ANAPC4: variants seen among roughly 807,000 people sequenced by gnomAD.
ANAPC4 encodes anaphase-promoting complex subunit 4.
In ANAPC4, 63 loss-of-function variants were observed where a neutral mutation model predicts 119.8. The observed-to-expected ratio is 0.53, with a 90% CI of 0.43 to 0.65. ANAPC4 has a LOEUF of 0.65. ANAPC4 is among the 30% of genes least tolerant of loss of function. The probability of loss-of-function intolerance (pLI) is 0.00; values close to 1 mark genes in which losing one functional copy is unlikely to be tolerated. For missense variants in ANAPC4, 716 were observed against 945.1 expected, an observed-to-expected ratio of 0.76 and a Z score of 3.18; for synonymous variants, 283 against 318.6, an observed-to-expected ratio of 0.89 and a Z score of 1.19.
chr4:25,378,279 C>T (rs1721518803), intron 2 of ANAPC4, among the ~76,000 whole-genome samples: 1 of 152,198 alleles, frequency 6.6e-6, no homozygotes, highest in Non-Finnish European at 1.5e-5. Context: ...GTGCATCTTT[C>T]CGCCTCTGGC....
At chr4:25,389,811 A>C (rs988780328) in intron 7 of ANAPC4, among the ~76,000 whole-genome samples, 7 of 152,234 alleles carry the variant, frequency 4.6e-5, no homozygotes, top group African/African-American at 1.7e-4. Flanking sequence ...CCATGATAAA[A>C]CTGATGGCAC....
At chr4:25,392,269 C>T in intron 9 of ANAPC4, 69 bp from the exon 10 acceptor site, 1 of 1,112,758 alleles carries the variant, frequency 9.0e-7, no homozygotes. Context: ...GTTTGACCCA[C>T]ACTCTAAATT....
chr4:25,406,467 G>C (rs1723255814), intron 18 of ANAPC4, among the ~76,000 whole-genome samples: 1 of 151,430 alleles, frequency 6.6e-6, no homozygotes, highest in African/African-American at 2.4e-5. Context: ...TTTGCCTGCA[G>C]CCCTTAACTA....
chr4:25,404,771 A>C (rs1036856049), intron 17 of ANAPC4, among the ~76,000 whole-genome samples: 1 of 152,112 alleles, frequency 6.6e-6, no homozygotes, highest in African/African-American at 2.4e-5. Context: ...TCTTTGTAAA[A>C]TGTAATCTCC....
intron 21 of ANAPC4, among the ~76,000 whole-genome samples, chr4:25,412,623 G>A (rs903203310): frequency 4.6e-5 from 7 of 151,986 alleles, no homozygotes; most frequent in Admixed American, 2.0e-4. Context: ...GTGGTGGTGT[G>A]CACCTGTAGT....
At chr4:25,410,017 A>T (rs1267765595) in intron 21 of ANAPC4, among the ~76,000 whole-genome samples, 2 of 152,226 alleles carry the variant, frequency 1.3e-5, no homozygotes, top group Non-Finnish European at 2.9e-5. Flanking sequence ...AAGATTGCTT[A>T]TTCCTAAGTG....
intron 16 of ANAPC4, among the ~76,000 whole-genome samples, chr4:25,402,569 G>A (rs1446577592): frequency 6.6e-6 from 1 of 152,166 alleles, no homozygotes; most frequent in Non-Finnish European, 1.5e-5. Flanking sequence ...TTCTGTTGAA[G>A]TTGATGTTTT....
At chr4:25,394,967 T>C in intron 14 of ANAPC4, 62 bp downstream of exon 14, 1 of 1,258,394 alleles carries the variant, frequency 7.9e-7, no homozygotes, top group Non-Finnish European at 1.1e-6. Context: ...TTGGCCTTCT[T>C]TCCGCCGCCT....
intron 21 of ANAPC4, among the ~76,000 whole-genome samples, chr4:25,411,801 CT>C (rs889646667): frequency 6.7e-4 from 102 of 152,306 alleles, no homozygotes; most frequent in African/African-American, 2.2e-3. Context: ...TGTCTGAGCA[CT>C]TTTTACTCAG....
intron 7 of ANAPC4, 66 bp from the exon 8 acceptor site, chr4:25,390,070 C>A: frequency 9.0e-7 from 1 of 1,116,454 alleles, no homozygotes; most frequent in Non-Finnish European, 1.3e-6. Context: ...ATTTATATCT[C>A]GCTTTAACAA....
chr4:25,400,178 G>A (rs10016263), intron 16 of ANAPC4, among the ~76,000 whole-genome samples: 5 of 151,952 alleles, frequency 3.3e-5, no homozygotes, highest in African/African-American at 1.2e-4. Flanking sequence ...AATTGCTGGG[G>A]TTTTTTCTTC....
intron 26 of ANAPC4, 71 bp from the exon 27 acceptor site, chr4:25,416,354 A>G (rs1384324957): frequency 2.0e-5 from 21 of 1,074,258 alleles, no homozygotes; most frequent in Non-Finnish European, 2.6e-5. Context: ...TGCTGCCAGT[A>G]TAACATGCAT....
At chr4:25,383,240 G>A (rs1721843429) in intron 3 of ANAPC4, 21 bp from the exon 4 acceptor site, 1 of 1,578,322 alleles carries the variant, frequency 6.3e-7, no homozygotes. Context: ...AATTTATTCT[G>A]ATTGTTTTTT....
chr4:25,416,594 A>T lies in ANAPC4; in HGVS notation c.2071A>T (p.Thr691Ser). Residue 691 changes from threonine (T) to serine (S), a missense_variant, in exon 27 of 29, where the codon ACA becomes TCA. Coordinates refer to ENST00000315368, the MANE Select transcript of ANAPC4 (RefSeq NM_013367.3). ...ATATCAGTTCACTGGGACTTATTCT[A>T]CAAGGTAACTAGTAACATTGTCTTT... ...AEYQFTGTYSTRLDEQCSAIP... is the reference protein window; with the variant it reads ...AEYQFTGTYSSRLDEQCSAIP... 6.5e-7 allele frequency: 1 copy of T among 1,527,656 alleles called. No individual in the cohort carries two copies. The highest frequency in any genetic ancestry group is 8.9e-7 in the Non-Finnish European group (1 of 1,127,112). The allele number at this position is 1,527,656 out of a possible 1,614,324, so 94.6% of individuals were successfully genotyped here. A position where few individuals can be genotyped will look rare whatever the true frequency, so the allele number is the denominator to read the frequency against.
At chr4:25,415,079 C>G (rs1723784930) in intron 25 of ANAPC4, 1 of 181,538 alleles carries the variant, frequency 5.5e-6, no homozygotes, top group African/African-American at 2.3e-5. Context: ...ATGATTTTTG[C>G]CTAGGGTTAA....
chr4:25,380,364 T>C lies in ANAPC4; in HGVS notation c.130-10T>C, dbSNP rs1039171072. On this transcript the variant is annotated splice_polypyrimidine_tract_variant and intron_variant, in intron 2 of 28. Transcript: ENST00000315368. ...TTTAATTTCCTGCCATTATATCTGC[T>C]TTGTCTTAGGTTTTACTTCATCGAC... The C allele has an allele frequency of 1.9e-6, 3 of 1,594,536 alleles. No individual in the cohort carries two copies. The African/African-American group carries it at 4.1e-5, about 22-fold the overall frequency.
intron 21 of ANAPC4, chr4:25,413,170 C>G (rs1723673133): frequency 6.6e-6 from 1 of 151,582 alleles, no homozygotes. Flanking sequence ...GGTGTTAGTG[C>G]TAAATTATAT....
At chr4:25,390,291 G>T (rs1230500109) in intron 8 of ANAPC4, 71 bp downstream of exon 8, 12 of 1,119,318 alleles carry the variant, frequency 1.1e-5, no homozygotes, top group Non-Finnish European at 1.5e-5. Context: ...TATGGAAAAA[G>T]AATAAAACAC....
At chr4:25,391,135 T>C in intron 9 of ANAPC4, 120 bp downstream of exon 9, 1 of 683,498 alleles carries the variant, frequency 1.5e-6, no homozygotes, top group Non-Finnish European at 2.4e-6. Context: ...AAAAATCGAC[T>C]TGGAATTTCT....
Sources: allele counts gnomAD v4.1 joint callset (sites outside exome capture counted in the v4.1 genomes callset), GRCh38; gene constraint gnomAD v4.1.1; transcripts MANE v1.5; gene names NCBI Gene and HGNC (gene_info 2026-07-23, HGNC 2026-07-21).